PPHLN1: variants seen among roughly 807,000 people sequenced by gnomAD.
PPHLN1 encodes periphilin 1.
Under a neutral mutation model 51.3 loss-of-function variants are expected in PPHLN1, and 29 were observed. The observed-to-expected ratio is 0.57, with a 90% CI of 0.42 to 0.77. The LOEUF is 0.77. Among genes scored for constraint, PPHLN1 ranks in the 30% least tolerant of loss-of-function variants. The probability of loss-of-function intolerance (pLI) is 0.00; values close to 1 mark genes in which losing one functional copy is unlikely to be tolerated. For synonymous variants in PPHLN1, 147 were observed against 147.8 expected (o/e 0.99, Z 0.04); for missense variants, 436 against 438.4 (o/e 0.99, Z 0.05).
At chr12:42,369,810 G>A (rs1249999575) in intron 4 of PPHLN1, among the ~76,000 whole-genome samples, 6 of 152,066 alleles carry the variant, frequency 3.9e-5, no homozygotes, top group South Asian at 4.2e-4. Flanking sequence ...CTGTTTCCAC[G>A]TCAACTTTGA....
chr12:42,417,470 A>G (rs998757592), intron 9 of PPHLN1, among the ~76,000 whole-genome samples: 1 of 152,092 alleles, frequency 6.6e-6, no homozygotes, highest in East Asian at 1.9e-4. Context: ...TGGGCGTGCA[A>G]AGGGCTTAGA....
chr12:42,445,996 C>G (rs772131426), downstream of PPHLN1: 5 of 1,520,022 alleles, frequency 3.3e-6, no homozygotes, highest in South Asian at 1.2e-5. Flanking sequence ...TCCAGCACGA[C>G]GCATCAAACC....
chr12:42,349,339 A>G (rs1224688502), intron 2 of PPHLN1, among the ~76,000 whole-genome samples: 1 of 152,164 alleles, frequency 6.6e-6, no homozygotes, highest in Non-Finnish European at 1.5e-5. Context: ...TTCATTTTAC[A>G]GGCTCAGGGA....
At chr12:42,444,954 G>C (rs897089141), downstream of PPHLN1, 3 of 662,810 alleles carry the variant, frequency 4.5e-6, no homozygotes, top group African/African-American at 1.8e-5. Flanking sequence ...TCAGAGAGCT[G>C]AGGTTGGAGC....
intron 2 of PPHLN1, chr12:42,350,187 G>C (rs2073077213): frequency 6.6e-6 from 1 of 152,492 alleles, no homozygotes; most frequent in Non-Finnish European, 1.5e-5. Flanking sequence ...GCTGGGGGAG[G>C]CGCCCCTCAC....
At chr12:42,328,086 A>G (rs11181425) in intron 1 of PPHLN1, among the ~76,000 whole-genome samples, 2 of 152,054 alleles carry the variant, frequency 1.3e-5, no homozygotes, top group East Asian at 3.9e-4. Context: ...CTAGTTTGGA[A>G]TCTGTTTTAA....
At chr12:42,345,066 T>A (rs183453167) in intron 2 of PPHLN1, among the ~76,000 whole-genome samples, 12 of 152,308 alleles carry the variant, frequency 7.9e-5, no homozygotes, top group Non-Finnish European at 1.6e-4. Flanking sequence ...ATCAACTTGG[T>A]GCTTTTACTT....
Position 42,419,675 on chromosome 12 carries a change from G to A in PPHLN1, c.909+20681G>A, listed in dbSNP as rs747129929. On this transcript the variant is annotated intron_variant, in intron 9 of 9. Coordinates refer to ENST00000358314, the MANE Select transcript of PPHLN1 (RefSeq NM_201439.2). ...GTATGAATAAGAAGTTACTTGTGTT[G>A]GTCATTTTTGGCCTAAATAGAAAGA... is the stretch of plus-strand genomic sequence containing the variant. 5.9e-5 allele frequency among the ~76,000 whole-genome samples: 9 copies of A among 152,060 alleles called. No individual in the cohort carries two copies. In the South Asian group the frequency reaches 6.2e-4, roughly 11 times the overall value.
At chr12:42,383,023 T>G in intron 5 of PPHLN1, among the ~76,000 whole-genome samples, 1 of 152,178 alleles carries the variant, frequency 6.6e-6, no homozygotes, top group East Asian at 1.9e-4. Flanking sequence ...CAATAATTAC[T>G]TACTTGTTCA....
rs199969909 is a variant in PPHLN1, at chr12:42,409,145, TTGACCTTGGA to T, written c.909+10153_909+10162del. 4.6e-3 allele frequency among the ~76,000 whole-genome samples: 702 copies of T among 152,274 alleles called. 2 individuals carry two copies. The highest frequency in any genetic ancestry group is 0.016 in the African/African-American group (670 of 41,564). On this transcript the variant is annotated intron_variant, in intron 9 of 9. Coordinates refer to ENST00000358314, the MANE Select transcript of PPHLN1 (RefSeq NM_201439.2). ...ATAATCACCTATTTTTGGACCATGG[TTGACCTTGGA>T]TTACTGGAACTATGGAAAGCAAAAC...
At chr12:42,392,413 C>A (rs190031151) in intron 7 of PPHLN1, among the ~76,000 whole-genome samples, 2 of 152,136 alleles carry the variant, frequency 1.3e-5, no homozygotes, top group Non-Finnish European at 2.9e-5. Flanking sequence ...ATGGTAGTGC[C>A]CCATAAGTTC....
At chr12:42,419,334 C>T (rs1014834285) in intron 9 of PPHLN1, among the ~76,000 whole-genome samples, 7 of 150,848 alleles carry the variant, frequency 4.6e-5, no homozygotes, top group Admixed American at 6.6e-5. Flanking sequence ...CTCTGCCTCC[C>T]GGGTTCAAGT....
chr12:42,406,086 G>GTT (rs56927510), intron 9 of PPHLN1, among the ~76,000 whole-genome samples: 17 of 135,214 alleles, frequency 1.3e-4, no homozygotes, highest in Admixed American at 1.5e-4. Context: ...GTTTAGTCTG[G>GTT]TTTTTTTTTT....
chr12:42,357,393 G>A (rs1373744952), intron 4 of PPHLN1, among the ~76,000 whole-genome samples: 1 of 152,226 alleles, frequency 6.6e-6, no homozygotes, highest in Admixed American at 6.5e-5. Context: ...CTGTAGTGAT[G>A]TAAACAGTGT....
At chr12:42,430,709 G>T (rs1370127315) in intron 9 of PPHLN1, among the ~76,000 whole-genome samples, 1 of 152,016 alleles carries the variant, frequency 6.6e-6, no homozygotes, top group Non-Finnish European at 1.5e-5. Flanking sequence ...GGCCAGTCTG[G>T]TCTCAAACTC....
chr12:42,396,357 A>G (rs536729218), intron 8 of PPHLN1, among the ~76,000 whole-genome samples: 1 of 152,230 alleles, frequency 6.6e-6, no homozygotes, highest in African/African-American at 2.4e-5. Context: ...CTAAATATGC[A>G]TTGTATATCC....
chr12:42,348,078 G>T (rs11181450), intron 2 of PPHLN1, among the ~76,000 whole-genome samples: 24,639 of 151,716 alleles, frequency 0.16, 2,046 homozygotes, highest in Admixed American at 0.2. Flanking sequence ...TTGAATTTTT[G>T]TTTTCTTTTG....
At chr12:42,419,605 A>G (rs1311220745) in intron 9 of PPHLN1, among the ~76,000 whole-genome samples, 1 of 152,170 alleles carries the variant, frequency 6.6e-6, no homozygotes, top group Non-Finnish European at 1.5e-5. Context: ...TTTTAGTTTC[A>G]CTTTTGAAGA....
At chr12:42,439,393 G>A (rs116396102) in intron 9 of PPHLN1, among the ~76,000 whole-genome samples, 1,949 of 152,330 alleles carry the variant, frequency 0.013, 49 homozygotes, top group African/African-American at 0.045. Flanking sequence ...TCAGTTCACT[G>A]TATTTGTATG....
Sources: allele counts gnomAD v4.1 joint callset (sites outside exome capture counted in the v4.1 genomes callset), GRCh38; gene constraint gnomAD v4.1.1; transcripts MANE v1.5; gene names NCBI Gene and HGNC (gene_info 2026-07-23, HGNC 2026-07-21).